ASAP1: variants seen among roughly 807,000 people sequenced by gnomAD.
ASAP1 encodes arf-GAP with SH3 domain, ANK repeat and PH domain-containing protein 1.
In ASAP1, 43 loss-of-function variants were observed where a neutral mutation model predicts 145.2. The observed-to-expected ratio is 0.30, with a 90% CI of 0.23 to 0.38. The LOEUF (loss-of-function observed/expected upper bound fraction) is 0.38, where lower values mean the gene tolerates loss of function less well. Among genes scored for constraint, ASAP1 ranks in the 10% least tolerant of loss-of-function variants. The pLI is 1.00. For synonymous variants in ASAP1, 546 were observed against 515.5 expected (o/e 1.06, Z -0.80); for missense variants, 1,018 against 1,355.3 (o/e 0.75, Z 3.91).
At chr8:130,394,645 G>T (rs1828441383) in intron 2 of ASAP1, among the ~76,000 whole-genome samples, 1 of 152,098 alleles carries the variant, frequency 6.6e-6, no homozygotes, top group African/African-American at 2.4e-5. Context: ...AAACTTGCTG[G>T]TTTTGCGGCT....
chr8:130,363,897 G>A (rs1826828379), intron 2 of ASAP1, among the ~76,000 whole-genome samples: 1 of 152,190 alleles, frequency 6.6e-6, no homozygotes, highest in African/African-American at 2.4e-5. Context: ...ATGAAGTGGT[G>A]GAGGAAAGGA....
chr8:130,258,363 C>T (rs926936731), intron 3 of ASAP1, among the ~76,000 whole-genome samples: 4 of 152,232 alleles, frequency 2.6e-5, no homozygotes, highest in African/African-American at 9.6e-5. Flanking sequence ...CACCTTCACC[C>T]TTGCCTTCTT....
chr8:130,102,798 G>A (rs575465182), intron 24 of ASAP1, among the ~76,000 whole-genome samples: 1 of 152,230 alleles, frequency 6.6e-6, no homozygotes, highest in Admixed American at 6.5e-5. Flanking sequence ...TGATCATCTT[G>A]CTTCAGCCTT....
intron 1 of ASAP1, among the ~76,000 whole-genome samples, chr8:130,435,084 C>T (rs1380470844): frequency 6.6e-6 from 1 of 152,150 alleles, no homozygotes; most frequent in Non-Finnish European, 1.5e-5. Flanking sequence ...CCCTCCGAGG[C>T]TCCTACACTT....
Position 130,163,437 on chromosome 8 carries a change from T to C in ASAP1, c.910-3473A>G, listed in dbSNP as rs925682202. The stretch of plus-strand genomic sequence containing the variant: ...GCTTTACATCAAACTAATATGCTTT[T>C]AAAGATGAATAAAGTGGCTAAACTC... On this transcript the variant is annotated intron_variant, in intron 11 of 29. Coordinates refer to ENST00000518721, the MANE Select transcript of ASAP1 (RefSeq NM_018482.4). Among the ~76,000 whole-genome samples the C allele has an allele frequency of 2.0e-5, 3 of 152,192 alleles. No homozygotes were observed. The East Asian group carries it at 5.8e-4, about 29-fold the overall frequency.
rs957406265 is a variant in ASAP1 at position 130,053,137 on chromosome 8, T to C, written c.*1594A>G. On this transcript the variant is annotated 3_prime_UTR_variant, in exon 30 of 30. Transcript: ENST00000518721. Reference sequence around the variant, plus strand: ...TAAGCAGAACTAAATTAATATTCACTGAGCACTGTAACGATGGAAGAGGGC... The same window carrying C: ...TAAGCAGAACTAAATTAATATTCACCGAGCACTGTAACGATGGAAGAGGGC... The C allele has an allele frequency of 2.0e-5, 3 of 152,256 alleles. No homozygotes were observed. The highest frequency in any genetic ancestry group is 4.4e-5 in the Non-Finnish European group (3 of 68,044). The allele number at this position is 152,256 out of a possible 1,614,324, so 9.4% of individuals were successfully genotyped here.
intron 3 of ASAP1, among the ~76,000 whole-genome samples, chr8:130,318,982 T>C (rs1023383798): frequency 9.2e-5 from 14 of 152,230 alleles, no homozygotes; most frequent in African/African-American, 3.4e-4. Flanking sequence ...GTCTGCTTTA[T>C]CTGAGTAGAA....
chr8:130,355,288 A>G lies in ASAP1; in HGVS notation c.186+2729T>C, dbSNP rs193239268. Reference sequence around the variant, plus strand: ...ACAATCTCTACCAAGGAGACATAGTAAAAGAAAGAGTATGGATTAATTTGG... The same window carrying G: ...ACAATCTCTACCAAGGAGACATAGTGAAAGAAAGAGTATGGATTAATTTGG... On this transcript the variant is annotated intron_variant, in intron 3 of 29. Transcript: ENST00000518721. 7.0e-3 allele frequency among the ~76,000 whole-genome samples: 1,068 copies of G among 152,362 alleles called. 3 individuals carry two copies. The highest frequency in any genetic ancestry group is 0.029 in the South Asian group (140 of 4,828).
intron 1 of ASAP1, among the ~76,000 whole-genome samples, chr8:130,423,710 G>A (rs1386018304): frequency 6.6e-6 from 1 of 152,222 alleles, no homozygotes; most frequent in Non-Finnish European, 1.5e-5. Context: ...ATGTGTCTAT[G>A]AGTATATCAG....
At chr8:130,258,579 G>A (rs17284300) in intron 3 of ASAP1, among the ~76,000 whole-genome samples, 1,619 of 152,282 alleles carry the variant, frequency 0.011, 15 homozygotes, top group Admixed American at 0.021. Flanking sequence ...GCTCTACCTC[G>A]GAAGGGCTCT....
chr8:130,354,618 T>A (rs987708328), intron 3 of ASAP1, among the ~76,000 whole-genome samples: 2 of 152,236 alleles, frequency 1.3e-5, no homozygotes, highest in Non-Finnish European at 2.9e-5. Context: ...GCTCTCCTAG[T>A]CACTTACTCA....
chr8:130,239,807 A>G (rs1478972071), intron 3 of ASAP1, among the ~76,000 whole-genome samples: 1 of 152,028 alleles, frequency 6.6e-6, no homozygotes, highest in Non-Finnish European at 1.5e-5. Context: ...CTGATGAAAA[A>G]CCTTGGGCCT....
chr8:130,122,682 T>C (rs924334718), intron 18 of ASAP1, among the ~76,000 whole-genome samples: 38 of 152,210 alleles, frequency 2.5e-4, no homozygotes, highest in Admixed American at 2.1e-3. Context: ...TGATATGAAC[T>C]CCAGCAGTCT....
chr8:130,187,054 T>A (rs1814781764), intron 7 of ASAP1, among the ~76,000 whole-genome samples, 182 bp downstream of exon 7: 1 of 152,164 alleles, frequency 6.6e-6, no homozygotes, highest in Non-Finnish European at 1.5e-5. Flanking sequence ...CCACTTTAGG[T>A]CAGTGTACCC....
chr8:130,403,007 G>A (rs1586981857), intron 1 of ASAP1, among the ~76,000 whole-genome samples: 1 of 151,526 alleles, frequency 6.6e-6, no homozygotes, highest in Admixed American at 6.6e-5. Flanking sequence ...GAACCCACCA[G>A]CCAGTCTAAT....
chr8:130,196,165 A>C (rs906559262), intron 5 of ASAP1, among the ~76,000 whole-genome samples: 4 of 152,170 alleles, frequency 2.6e-5, no homozygotes, highest in African/African-American at 9.7e-5. Context: ...AATGTGGTGA[A>C]ACCCCATCTC....
intron 5 of ASAP1, among the ~76,000 whole-genome samples, chr8:130,197,803 CTG>C (rs1815603415): frequency 6.6e-6 from 1 of 152,206 alleles, no homozygotes; most frequent in Non-Finnish European, 1.5e-5. Flanking sequence ...CCGGCCCGAA[CTG>C]TGGAACACAG....
At chr8:130,429,514 A>C (rs1487526149) in intron 1 of ASAP1, among the ~76,000 whole-genome samples, 9 of 152,232 alleles carry the variant, frequency 5.9e-5, no homozygotes, top group Non-Finnish European at 1.3e-4. Flanking sequence ...GTAGCCAGTA[A>C]AAAGCCAAGT....
intron 27 of ASAP1, among the ~76,000 whole-genome samples, chr8:130,072,832 G>GCGC (rs61663506): frequency 8.5e-5 from 1 of 11,760 alleles, no homozygotes; most frequent in South Asian, 2.6e-3. Flanking sequence ...TGTGCGCGCG[G>GCGC]GGGGGGGCAG....
Sources: gnomAD v4.1 joint callset for allele counts (sites outside exome capture counted in the v4.1 genomes callset) on GRCh38, gnomAD v4.1.1 for gene constraint, MANE v1.5 for transcripts, NCBI Gene and HGNC (gene_info 2026-07-23, HGNC 2026-07-21) for gene names.